CENPU: variants seen among roughly 807,000 people sequenced by gnomAD.
The protein encoded by CENPU is KSHV latent nuclear antigen interacting protein 1.
CENPU carries 46 observed loss-of-function variants against 56.7 expected under a neutral mutation model. The observed-to-expected ratio is 0.81, with a 90% CI of 0.64 to 1.04. The LOEUF (loss-of-function observed/expected upper bound fraction) is 1.04, where lower values mean the gene tolerates loss of function less well. CENPU is among the 50% of genes least tolerant of loss of function. The pLI is 0.00. For synonymous variants in CENPU, 166 were observed against 163.0 expected, an observed-to-expected ratio of 1.02 and a Z score of -0.14; for missense variants, 510 against 490.1, an observed-to-expected ratio of 1.04 and a Z score of -0.38.
chr4:184,718,763 A>G (rs1761178570), intron 4 of CENPU, among the ~76,000 whole-genome samples: 1 of 152,166 alleles, frequency 6.6e-6, no homozygotes. Context: ...AGATTGCTGG[A>G]TCGGAGGGGA....
At chr4:184,719,719 G>T (rs1197066857) in intron 4 of CENPU, among the ~76,000 whole-genome samples, 2 of 152,196 alleles carry the variant, frequency 1.3e-5, no homozygotes, top group South Asian at 2.1e-4. Context: ...ACAGCCCATG[G>T]CTCCAAAAGA....
At chr4:184,715,022 C>T (rs1008348775) in intron 6 of CENPU, among the ~76,000 whole-genome samples, 2 of 152,018 alleles carry the variant, frequency 1.3e-5, no homozygotes, top group African/African-American at 4.8e-5. Flanking sequence ...CAACAGAGAT[C>T]ATAGTTTGCT....
intron 3 of CENPU, 27 bp from the exon 4 acceptor site, chr4:184,725,089 A>G (rs369066279): frequency 6.8e-7 from 1 of 1,463,682 alleles, no homozygotes; most frequent in East Asian, 2.3e-5. Flanking sequence ...AAGAAGCACA[A>G]CTTTAAAAGT....
At chr4:184,724,473 T>C (rs559387713) in intron 4 of CENPU, among the ~76,000 whole-genome samples, 19 of 152,354 alleles carry the variant, frequency 1.2e-4, no homozygotes, top group Non-Finnish European at 2.4e-4. Context: ...AAATCATTTT[T>C]ATAGAGATTT....
chr4:184,720,671 A>G (rs1761245241), intron 4 of CENPU, among the ~76,000 whole-genome samples: 1 of 152,206 alleles, frequency 6.6e-6, no homozygotes, highest in African/African-American at 2.4e-5. Flanking sequence ...TGGAGCTCCA[A>G]TATGTCTGGC....
At chr4:184,709,850 T>C (rs562448948) in intron 8 of CENPU, among the ~76,000 whole-genome samples, 15 of 150,068 alleles carry the variant, frequency 1.0e-4, no homozygotes, top group African/African-American at 2.9e-4. Flanking sequence ...ATATTTAAGA[T>C]AGAAGGTTAA....
chr4:184,696,933 T>A (rs1217977523), intron 12 of CENPU, among the ~76,000 whole-genome samples: 1 of 150,754 alleles, frequency 6.6e-6, no homozygotes, highest in East Asian at 1.9e-4. Context: ...CAGGCTGGAG[T>A]GCAGTAGTGC....
Position 184,694,339 on chromosome 4 carries a change from G to A in CENPU, c.*949C>T. On this transcript the variant is annotated 3_prime_UTR_variant, in exon 13 of 13. Coordinates refer to ENST00000281453, the MANE Select transcript of CENPU (RefSeq NM_024629.4). ...TCAAGTGTGTCTGAGCTTCAGTGCA[G>A]CAACGTTTGAATCAGTGCACTCATT... The A allele has an allele frequency of 7.2e-7, 1 of 1,379,714 alleles. No individual in the cohort carries two copies. The highest frequency in any genetic ancestry group is 1.8e-5 in the South Asian group (1 of 55,024). The allele number at this position is 1,379,714 out of a possible 1,614,324, so 85.5% of individuals were successfully genotyped here.
At position 184,694,915 on chromosome 4, in the gene CENPU, T is replaced by C. The variant is rs1252637454; in HGVS notation, c.*373A>G. ...CTTTCCAATTTTTGTTTTTTACTTC[T>C]GTAAACCAATTTCATTAAAAATTAG... On this transcript the variant is annotated 3_prime_UTR_variant, in exon 13 of 13. Coordinates refer to ENST00000281453, the MANE Select transcript of CENPU (RefSeq NM_024629.4). The C allele has an allele frequency of 8.5e-6, 6 of 701,760 alleles. No homozygotes were observed. The highest frequency in any genetic ancestry group is 1.1e-5 in the Non-Finnish European group (5 of 437,918). 43.5% of individuals were successfully genotyped at this position (701,760 alleles called of 1,614,324 possible). A position where few individuals can be genotyped will look rare whatever the true frequency, so the allele number is the denominator to read the frequency against.
chr4:184,703,423 G>T (rs927285418), intron 8 of CENPU, among the ~76,000 whole-genome samples: 7 of 152,086 alleles, frequency 4.6e-5, no homozygotes, highest in African/African-American at 1.7e-4. Context: ...AAGAGATCTG[G>T]TGGCCAGGCT....
chr4:184,698,680 C>A (rs1760424545), intron 11 of CENPU, among the ~76,000 whole-genome samples: 1 of 152,172 alleles, frequency 6.6e-6, no homozygotes, highest in Non-Finnish European at 1.5e-5. Context: ...GAACTCCTGA[C>A]CTCAGTGATC....
chr4:184,723,582 G>A (rs1490701405), intron 4 of CENPU, among the ~76,000 whole-genome samples: 6 of 152,088 alleles, frequency 3.9e-5, no homozygotes, highest in African/African-American at 1.2e-4. Context: ...GGTGGCTAAC[G>A]CCTGTAATCC....
intron 8 of CENPU, among the ~76,000 whole-genome samples, chr4:184,705,509 G>A (rs2150207008): frequency 6.6e-6 from 1 of 151,980 alleles, no homozygotes; most frequent in East Asian, 1.9e-4. Context: ...CTATGCATAT[G>A]ATAAAATCCC....
intron 12 of CENPU, among the ~76,000 whole-genome samples, chr4:184,696,886 T>TC (rs1388791517): frequency 6.7e-6 from 1 of 150,294 alleles, no homozygotes; most frequent in Non-Finnish European, 1.5e-5. Flanking sequence ...TCCTTAACTT[T>TC]TTTTTTTTTT....
chr4:184,722,755 T>C (rs1761324842), intron 4 of CENPU, among the ~76,000 whole-genome samples: 1 of 151,990 alleles, frequency 6.6e-6, no homozygotes, highest in South Asian at 2.1e-4. Context: ...CACTAATGTT[T>C]AAATGAAGTC....
At chr4:184,718,798 C>T (rs1453143506) in intron 4 of CENPU, among the ~76,000 whole-genome samples, 9 of 152,082 alleles carry the variant, frequency 5.9e-5, no homozygotes, top group Non-Finnish European at 1.0e-4. Flanking sequence ...AGACTATTAA[C>T]CTAGAGAACA....
chr4:184,719,240 AAG>A (rs1761193650), intron 4 of CENPU, among the ~76,000 whole-genome samples: 1 of 152,196 alleles, frequency 6.6e-6, no homozygotes, highest in Non-Finnish European at 1.5e-5. Flanking sequence ...CCACTGCTGA[AAG>A]AGGCACTGAA....
Position 184,710,158 on chromosome 4 carries a change from A to G in CENPU, c.711T>C (p.Ile237=). 2 of 1,604,758 alleles carry G rather than the reference A, an allele frequency of 1.2e-6. No homozygotes were observed. Among genetic ancestry groups the G allele is most frequent in the Non-Finnish European group, 1.7e-6 (2 of 1,173,594 alleles). The change falls in exon 8 of 13, where the codon ATT becomes ATC. Residue 237 remains isoleucine, a synonymous_variant. Coordinates refer to ENST00000281453, the MANE Select transcript of CENPU (RefSeq NM_024629.4). ...TGGTTTTCATTCCTTCTGGACACCA[A>G]ATGTGCACAATGTCAGAAGTATCTA... is the stretch of plus-strand genomic sequence containing the variant. ...IGSDTSDIVH[I]WCPEGMKTSD...
chr4:184,716,379 G>C lies in CENPU; in HGVS notation c.618+18C>G. The stretch of plus-strand genomic sequence containing the variant: ...ATAAACTTTTTTTGCCCTCCTAGGG[G>C]ATGGCAGACGTTCTTACCGATTGAC... On this transcript the variant is annotated intron_variant, in intron 6 of 12. Coordinates refer to ENST00000281453, the MANE Select transcript of CENPU (RefSeq NM_024629.4). 1 of 1,583,252 alleles carries C rather than the reference G, an allele frequency of 6.3e-7. No homozygotes were observed. Among genetic ancestry groups the C allele is most frequent in the Non-Finnish European group, 8.7e-7 (1 of 1,155,636 alleles).
Sources: allele counts gnomAD v4.1 joint callset (sites outside exome capture counted in the v4.1 genomes callset), GRCh38; gene constraint gnomAD v4.1.1; transcripts MANE v1.5; gene names NCBI Gene and HGNC (gene_info 2026-07-23, HGNC 2026-07-21).